PPP1R9A: variants seen among roughly 807,000 people sequenced by gnomAD.
PPP1R9A encodes neurabin-1.
A neutral mutation model predicts 141.9 loss-of-function variants in PPP1R9A; 59 were observed. That is an observed-to-expected ratio of 0.42 (90% CI 0.34 to 0.52). PPP1R9A has a LOEUF of 0.52. Among genes scored for constraint, PPP1R9A ranks in the 20% least tolerant of loss-of-function variants. The pLI is 0.10. For missense variants in PPP1R9A, 1,444 were observed against 1,611.9 expected (o/e 0.90, Z 1.78); for synonymous variants, 500 against 569.7 (o/e 0.88, Z 1.74).
intron 2 of PPP1R9A, among the ~76,000 whole-genome samples, chr7:94,949,907 CTTTTTT>C (rs201956798): frequency 8.5e-6 from 1 of 118,084 alleles, no homozygotes; most frequent in African/African-American, 3.1e-5. Context: ...TAAAACAGTT[CTTTTTT>C]TTTTTTTTTT....
At chr7:95,040,041 G>A (rs1234169151) in intron 2 of PPP1R9A, among the ~76,000 whole-genome samples, 1 of 152,098 alleles carries the variant, frequency 6.6e-6, no homozygotes, top group Admixed American at 6.5e-5. Context: ...AGAGACGGTG[G>A]AAGATACATC....
chr7:95,230,450 A>G (rs1364678034), intron 8 of PPP1R9A, among the ~76,000 whole-genome samples: 1 of 152,132 alleles, frequency 6.6e-6, no homozygotes, highest in African/African-American at 2.4e-5. Context: ...TCAGTGAAAT[A>G]GATAGCATAA....
intron 2 of PPP1R9A, among the ~76,000 whole-genome samples, chr7:95,060,133 A>G (rs73218118): frequency 0.021 from 3,251 of 152,232 alleles, 56 homozygotes; most frequent in Non-Finnish European, 0.034. Flanking sequence ...CCAGCTCTGT[A>G]AGTACCATAG....
chr7:95,084,504 T>C lies in PPP1R9A; in HGVS notation c.1396-26755T>C, dbSNP rs77715919. 7.4e-3 allele frequency among the ~76,000 whole-genome samples: 1,129 copies of C among 152,082 alleles called. 31 individuals carry two copies. Among genetic ancestry groups the C allele is most frequent in the African/African-American group, 0.025 (1,049 of 41,362 alleles). On this transcript the variant is annotated intron_variant, in intron 2 of 19. Coordinates refer to ENST00000433360, the MANE Select transcript of PPP1R9A (RefSeq NM_001166160.2). ...TTTTTTTCATGCTTGCTTTGTATTT[T>C]TCTATTTAAAGAAATATAATATTAC...
At chr7:95,109,642 AC>A (rs1820185593) in intron 2 of PPP1R9A, among the ~76,000 whole-genome samples, 1 of 152,102 alleles carries the variant, frequency 6.6e-6, no homozygotes, top group African/African-American at 2.4e-5. Flanking sequence ...GGAATTCAAG[AC>A]CAGCATGGGC....
intron 5 of PPP1R9A, among the ~76,000 whole-genome samples, chr7:95,194,512 G>A (rs1835947747): frequency 6.6e-6 from 1 of 151,924 alleles, no homozygotes. Flanking sequence ...GATAGGAAAG[G>A]AAGAAGTAAA....
At chr7:95,079,608 A>T (rs1249537642) in intron 2 of PPP1R9A, among the ~76,000 whole-genome samples, 5 of 152,074 alleles carry the variant, frequency 3.3e-5, no homozygotes, top group Non-Finnish European at 7.4e-5. Context: ...CATCATCCTG[A>T]TACCAAAGCC....
chr7:95,156,148 G>A (rs1275353490), intron 4 of PPP1R9A: 1 of 152,600 alleles, frequency 6.6e-6, no homozygotes, highest in African/African-American at 2.4e-5. Flanking sequence ...GGAGCATGGG[G>A]TTCAGCCAGT....
intron 2 of PPP1R9A, among the ~76,000 whole-genome samples, chr7:95,091,074 A>C (rs1054416649): frequency 2.6e-5 from 4 of 151,712 alleles, no homozygotes; most frequent in African/African-American, 9.7e-5. Flanking sequence ...ATGGCTTCCA[A>C]GTTTTTCCTC....
At chr7:95,199,810 CT>C (rs1789133414) in intron 6 of PPP1R9A, among the ~76,000 whole-genome samples, 1 of 152,136 alleles carries the variant, frequency 6.6e-6, no homozygotes, top group Non-Finnish European at 1.5e-5. Flanking sequence ...GAACTTGTAT[CT>C]TACCTGGTTT....
At chr7:95,182,196 G>T (rs956391766) in intron 5 of PPP1R9A, among the ~76,000 whole-genome samples, 3 of 151,742 alleles carry the variant, frequency 2.0e-5, no homozygotes, top group African/African-American at 4.8e-5. Context: ...GTATATATAG[G>T]CTAGGTGCAG....
At chr7:95,088,509 T>C (rs1816924412) in intron 2 of PPP1R9A, among the ~76,000 whole-genome samples, 1 of 152,016 alleles carries the variant, frequency 6.6e-6, no homozygotes, top group African/African-American at 2.4e-5. Context: ...ACACCCGTGA[T>C]TGCAAATGCT....
chr7:95,257,224 G>A lies in PPP1R9A; in HGVS notation c.2665+5094G>A, dbSNP rs1022359269. On this transcript the variant is annotated intron_variant, in intron 12 of 19. Coordinates refer to ENST00000433360, the MANE Select transcript of PPP1R9A (RefSeq NM_001166160.2). ...ATGAAGTAAAAGTGATTAAGACCAC[G>A]TGATATAGTCCCAGCAATTGTCAAG... 1.2e-4 allele frequency among the ~76,000 whole-genome samples: 19 copies of A among 152,130 alleles called. 1 individual carries two copies. The highest frequency in any genetic ancestry group is 2.2e-4 in the Non-Finnish European group (15 of 68,018).
intron 7 of PPP1R9A, among the ~76,000 whole-genome samples, chr7:95,221,477 A>G (rs1318716893): frequency 6.6e-6 from 1 of 152,052 alleles, no homozygotes; most frequent in African/African-American, 2.4e-5. Context: ...TATAGCTCTC[A>G]TGAGTGTCCC....
chr7:94,945,501 T>C (rs1795800639), intron 2 of PPP1R9A, among the ~76,000 whole-genome samples: 1 of 152,102 alleles, frequency 6.6e-6, no homozygotes, highest in Non-Finnish European at 1.5e-5. Context: ...GTCTTTCATT[T>C]TGTTTTGTAT....
intron 2 of PPP1R9A, among the ~76,000 whole-genome samples, chr7:94,921,372 G>T (rs1198118572): frequency 6.6e-6 from 1 of 151,780 alleles, no homozygotes; most frequent in Non-Finnish European, 1.5e-5. Context: ...GCGTGAACCC[G>T]GGAGGCGGAA....
chr7:95,173,206 A>G (rs767732753), intron 5 of PPP1R9A, among the ~76,000 whole-genome samples: 24 of 151,934 alleles, frequency 1.6e-4, no homozygotes, highest in Non-Finnish European at 2.8e-4. Context: ...TCATATATAA[A>G]TTGGAGCTAG....
chr7:95,218,751 C>T (rs1200389871), intron 7 of PPP1R9A, among the ~76,000 whole-genome samples: 1 of 151,908 alleles, frequency 6.6e-6, no homozygotes, highest in Admixed American at 6.6e-5. Context: ...TTGATCTTTG[C>T]TGGTTTAAAG....
At chr7:95,258,437 A>T (rs910420383) in intron 12 of PPP1R9A, among the ~76,000 whole-genome samples, 2 of 152,100 alleles carry the variant, frequency 1.3e-5, no homozygotes, top group African/African-American at 2.4e-5. Context: ...AGATGAGTAG[A>T]TTGCAAAAAT....
Sources: allele counts gnomAD v4.1 joint callset (sites outside exome capture counted in the v4.1 genomes callset), GRCh38; gene constraint gnomAD v4.1.1; transcripts MANE v1.5; gene names NCBI Gene and HGNC (gene_info 2026-07-23, HGNC 2026-07-21).